Variants in ZNF84 observed in about 807,000 individuals in gnomAD.
ZNF84 encodes the protein zinc finger protein 84, also known as zinc finger protein HPF2.
ZNF84 carries 12 observed loss-of-function variants against 14.8 expected under a neutral mutation model. That is an observed-to-expected ratio of 0.81 (90% CI 0.52 to 1.31). The LOEUF is 1.31. ZNF84 is among the 50% of genes most tolerant of loss of function. The pLI is 0.00. For synonymous variants in ZNF84, 347 were observed against 291.1 expected, an observed-to-expected ratio of 1.19 and a Z score of -1.96; for missense variants, 859 against 878.6, an observed-to-expected ratio of 0.98 and a Z score of 0.28.
chr12:133,049,273 C>T (rs1954035374), intron 4 of ZNF84, among the ~76,000 whole-genome samples: 2 of 152,038 alleles, frequency 1.3e-5, no homozygotes, highest in Admixed American at 1.3e-4. Context: ...TCAAAGACAC[C>T]TCCGTTTGTA....
Position 133,058,408 on chromosome 12 carries a change from C to T in ZNF84, c.1693C>T (p.His565Tyr). Residue 565 changes from histidine (H) to tyrosine (Y), a missense_variant, in exon 5 of 5, where the codon CAT (histidine) becomes TAT (tyrosine). Transcript: ENST00000539354. ...KSSLATHQRTHTGEKPYECRD... is the reference protein window; with the variant it reads ...KSSLATHQRTYTGEKPYECRD... ...AAGTCTTGCAACTCATCAGAGAACT[C>T]ATACTGGAGAAAAACCGTATGAATG... 1 of 1,614,044 alleles carries T rather than the reference C, an allele frequency of 6.2e-7. No homozygotes were observed. Among genetic ancestry groups the T allele is most frequent in the Non-Finnish European group, 8.5e-7 (1 of 1,180,008 alleles).
Position 133,058,633 on chromosome 12 carries a change from T to C in ZNF84, c.1918T>C (p.Ser640Pro). Residue 640 changes from serine (S) to proline (P), a missense_variant, in exon 5 of 5, where the codon TCA becomes CCA. Transcript: ENST00000539354. ...NECRKAFREK[S>P]SLINHQRIHT... Reference sequence around the variant, plus strand: ...ATGTAGAAAAGCCTTCAGGGAGAAGTCAAGTCTCATCAATCATCAGAGAAT... The same window carrying C: ...ATGTAGAAAAGCCTTCAGGGAGAAGCCAAGTCTCATCAATCATCAGAGAAT... 1 of 1,614,080 alleles carries C rather than the reference T, an allele frequency of 6.2e-7. No homozygotes were observed. The highest frequency in any genetic ancestry group is 8.5e-7 in the Non-Finnish European group (1 of 1,180,006).
chr12:133,058,856 T>C lies in ZNF84; in HGVS notation c.2141T>C (p.Ile714Thr), dbSNP rs1448817622. The C allele has an allele frequency of 8.1e-6, 13 of 1,611,772 alleles. No individual in the cohort carries two copies. The East Asian group carries it at 8.9e-5, about 11-fold the overall frequency. ...IHTGEKPYRC[I>T]ECGKAFSQKS... ...ACAGGAGAGAAGCCTTATCGATGCA[T>C]TGAATGTGGGAAAGCTTTCTCACAG... Residue 714 changes from isoleucine (I) to threonine (T), a missense_variant, in exon 5 of 5, where the codon ATT becomes ACT. By Grantham distance (89) the Ile-to-Thr change is moderately conservative. Coordinates refer to ENST00000539354, the MANE Select transcript of ZNF84 (RefSeq NM_001289971.2).
chr12:133,060,368 C>G lies in ZNF84; in HGVS notation c.*1436C>G, dbSNP rs1265077397. 2 of 152,280 alleles carry G rather than the reference C, an allele frequency of 1.3e-5. No individual in the cohort carries two copies. Among genetic ancestry groups the G allele is most frequent in the African/African-American group, 4.8e-5 (2 of 41,566 alleles). 9.4% of individuals were successfully genotyped at this position (152,280 alleles called of 1,614,324 possible). A position where few individuals can be genotyped will look rare whatever the true frequency, so the allele number is the denominator to read the frequency against. On this transcript the variant is annotated 3_prime_UTR_variant, in exon 5 of 5. Transcript: ENST00000539354. ...GCCTATTTTATCTTCTAGCAAATTT[C>G]TGTGGTCCCTGGAAAAGTACAGATG...
At position 133,063,200 on chromosome 12, in the gene ZNF84, T is replaced by G. The variant is rs1438140820; in HGVS notation, c.*4268T>G. 7 of 702,236 alleles carry G rather than the reference T, an allele frequency of 1.0e-5. No individual in the cohort carries two copies. The East Asian group carries it at 1.9e-4, about 19-fold the overall frequency. The allele number at this position is 702,236 out of a possible 1,614,324, so 43.5% of individuals were successfully genotyped here. A position where few individuals can be genotyped will look rare whatever the true frequency, so the allele number is the denominator to read the frequency against. ...GTGTTCCAGTACCTGGTTCTTCTGG[T>G]CTTCATGTTCAGGTCCACCTCTGCC... On this transcript the variant is annotated 3_prime_UTR_variant, in exon 5 of 5. Transcript: ENST00000539354.
Position 133,049,462 on chromosome 12 carries a change from T to C in ZNF84, c.238+614T>C, listed in dbSNP as rs370789910. Among the ~76,000 whole-genome samples the C allele has an allele frequency of 6.7e-3, 1,015 of 152,264 alleles. 10 individuals are homozygous for C. The highest frequency in any genetic ancestry group is 0.023 in the African/African-American group (961 of 41,562). On this transcript the variant is annotated intron_variant, in intron 4 of 4. Transcript: ENST00000539354. The stretch of plus-strand genomic sequence containing the variant: ...TATAGATTAGACACCATGAAGTATA[T>C]GAATAATCCCTTTCTTGTTTTTTTT...
At chr12:133,041,558 A>G in intron 2 of ZNF84, 76 bp downstream of exon 2, 2 of 1,456,156 alleles carry the variant, frequency 1.4e-6, no homozygotes, top group Middle Eastern at 1.7e-4. Context: ...GAAAAAGAAA[A>G]GTTTAAATAG....
intron 1 of ZNF84, among the ~76,000 whole-genome samples, chr12:133,039,353 TAGGA>T (rs1953846021): frequency 5.9e-5 from 9 of 152,222 alleles, no homozygotes; most frequent in African/African-American, 1.9e-4. Flanking sequence ...TGCATGGGAA[TAGGA>T]GCTGACTCCA....
Position 133,059,120 on chromosome 12 carries a change from T to C in ZNF84, c.*188T>C. On this transcript the variant is annotated 3_prime_UTR_variant, in exon 5 of 5. Transcript: ENST00000539354. ...AGAGTGAACCTATGACTGCAGTGGA[T>C]CTCAAAAACTTTTAAAACCATAGAC... 1 of 572,170 alleles carries C rather than the reference T, an allele frequency of 1.7e-6. No individual in the cohort carries two copies. The highest frequency in any genetic ancestry group is 2.9e-6 in the Non-Finnish European group (1 of 340,330). The allele number at this position is 572,170 out of a possible 1,614,324, so 35.4% of individuals were successfully genotyped here.
Position 133,047,986 on chromosome 12 carries a change from A to G in ZNF84, c.47A>G (p.Asp16Gly), listed in dbSNP as rs1383901717. 6.2e-7 allele frequency: 1 copy of G among 1,613,944 alleles called. No individual in the cohort carries two copies. ...ESFSFDDLSV[D>G]FTQKEWQLLD... ...TTCTCATTTGACGATTTATCTGTGGACTTCACCCAAAAGGAGTGGCAGCTA... is the reference window on the plus strand; with the variant it reads ...TTCTCATTTGACGATTTATCTGTGGGCTTCACCCAAAAGGAGTGGCAGCTA... The change falls in exon 3 of 5, where the codon GAC (aspartate) becomes GGC (glycine). Residue 16 changes from aspartate (D) to glycine (G), a missense_variant. Transcript: ENST00000539354.
chr12:133,050,338 CG>C (rs1299418908), intron 4 of ZNF84, among the ~76,000 whole-genome samples: 3 of 152,140 alleles, frequency 2.0e-5, no homozygotes. Flanking sequence ...TCTCTCAGTC[CG>C]GAGGTTTGCT....
In ZNF84 at chr12:133,058,817, A is replaced by G; in HGVS notation, c.2102A>G (p.His701Arg). 1 of 1,614,112 alleles carries G rather than the reference A, an allele frequency of 6.2e-7. No homozygotes were observed. Among genetic ancestry groups the G allele is most frequent in the South Asian group, 1.1e-5 (1 of 91,082 alleles). Residue 701 changes from histidine (H) to arginine (R), a missense_variant, in exon 5 of 5, where the codon CAT (histidine) becomes CGT (arginine). By Grantham distance (29) the His-to-Arg change is conservative. Coordinates refer to ENST00000539354, the MANE Select transcript of ZNF84 (RefSeq NM_001289971.2). ...TCTCAGAAGTCACAGCTGGTTAATC[A>G]TCAGAGAATTCATACAGGAGAGAAG... is the stretch of plus-strand genomic sequence containing the variant. Reference protein sequence around the residue: ...AFSQKSQLVNHQRIHTGEKPY... With the variant: ...AFSQKSQLVNRQRIHTGEKPY...
intron 4 of ZNF84, among the ~76,000 whole-genome samples, chr12:133,050,049 T>G (rs887599852): frequency 1.3e-5 from 2 of 152,188 alleles, no homozygotes; most frequent in Non-Finnish European, 2.9e-5. Context: ...GACATTGACT[T>G]ACTTCAGTTT....
chr12:133,038,457 A>G (rs2137311157), intron 1 of ZNF84, among the ~76,000 whole-genome samples: 1 of 150,574 alleles, frequency 6.6e-6, no homozygotes, highest in East Asian at 1.9e-4. Flanking sequence ...GCTACTCTGT[A>G]GGTTGAGGTA....
intron 2 of ZNF84, among the ~76,000 whole-genome samples, chr12:133,047,018 T>G (rs1953994619): frequency 6.7e-6 from 1 of 149,040 alleles, no homozygotes; most frequent in Non-Finnish European, 1.5e-5. Flanking sequence ...CTTAGTTTGG[T>G]CTCAAACTTT....
intron 3 of ZNF84, chr12:133,048,374 C>T (rs1954019258): frequency 3.3e-6 from 1 of 306,986 alleles, no homozygotes; most frequent in Non-Finnish European, 6.2e-6. Flanking sequence ...ACATCTTATA[C>T]CAAGTGCTTT....
At chr12:133,048,929 ATGGG>A in intron 4 of ZNF84, 81 bp downstream of exon 4, 1 of 1,165,984 alleles carries the variant, frequency 8.6e-7, no homozygotes, top group East Asian at 2.6e-5. Context: ...CTAGTCAGTG[ATGGG>A]TGGGCTGGTC....
chr12:133,059,046 G>C lies in ZNF84; in HGVS notation c.*114G>C, dbSNP rs1954212769. 1 of 1,044,318 alleles carries C rather than the reference G, an allele frequency of 9.6e-7. No individual in the cohort carries two copies. The highest frequency in any genetic ancestry group is 2.4e-5 in the Admixed American group (1 of 41,008). The allele number at this position is 1,044,318 out of a possible 1,614,324, so 64.7% of individuals were successfully genotyped here. A position where few individuals can be genotyped will look rare whatever the true frequency, so the allele number is the denominator to read the frequency against. On this transcript the variant is annotated 3_prime_UTR_variant, in exon 5 of 5. Transcript: ENST00000539354. Reference sequence around the variant, plus strand: ...AGGTGTTTGTACTCCATGAGGATGAGAACTCTAAATGAGGTGGTGTATGGA... The same window carrying C: ...AGGTGTTTGTACTCCATGAGGATGACAACTCTAAATGAGGTGGTGTATGGA...
Position 133,052,883 on chromosome 12 carries a change from CAA to C in ZNF84, c.238+4036_238+4037del, listed in dbSNP as rs1954096197. On this transcript the variant is annotated intron_variant, in intron 4 of 4. Transcript: ENST00000539354. ...TGTCTCCAAAAGGAATGATAAATAA[CAA>C]TATGTGAAGTCAGAAAATGGTTTAG... is the stretch of plus-strand genomic sequence containing the variant. 2.0e-5 allele frequency among the ~76,000 whole-genome samples: 3 copies of C among 152,246 alleles called. No homozygotes were observed. In the East Asian group the frequency reaches 5.8e-4, roughly 29 times the overall value.
Sources: allele counts gnomAD v4.1 joint callset (sites outside exome capture counted in the v4.1 genomes callset), GRCh38; gene constraint gnomAD v4.1.1; transcripts MANE v1.5; gene names NCBI Gene and HGNC (gene_info 2026-07-23, HGNC 2026-07-21).